Variants in CPSF3 observed in about 807,000 individuals in gnomAD.
The protein encoded by CPSF3 is cleavage and polyadenylation specificity factor subunit 3.
In CPSF3, 57 loss-of-function variants were observed where a neutral mutation model predicts 84.1. The observed-to-expected ratio is 0.68, with a 90% CI of 0.55 to 0.85. The LOEUF is 0.85. CPSF3 is among the 40% of genes least tolerant of loss of function. CPSF3 has a pLI of 0.00. For missense variants in CPSF3, 522 were observed against 838.8 expected (o/e 0.62, Z 4.66); for synonymous variants, 275 against 278.1 (o/e 0.99, Z 0.11).
At chr2:9,430,923 G>A (rs747172896) in intron 4 of CPSF3, 43 bp downstream of exon 4, 2 of 1,532,128 alleles carry the variant, frequency 1.3e-6, no homozygotes, top group South Asian at 1.1e-5. Flanking sequence ...GGCTCTATAT[G>A]GCATGTATGG....
At chr2:9,454,003 C>T (rs1245664699) in intron 12 of CPSF3, among the ~76,000 whole-genome samples, 1 of 152,198 alleles carries the variant, frequency 6.6e-6, no homozygotes. Context: ...TATAAATTTA[C>T]TGAGCCATCA....
At chr2:9,458,475 A>G (rs1017236586) in intron 14 of CPSF3, among the ~76,000 whole-genome samples, 7 of 152,194 alleles carry the variant, frequency 4.6e-5, no homozygotes, top group African/African-American at 1.4e-4. Flanking sequence ...AACAATATAT[A>G]AAATGTTAAT....
In CPSF3 at chr2:9,432,677, G is replaced by A. The variant is rs372969777; in HGVS notation, c.508G>A (p.Ala170Thr). 1.3e-6 allele frequency: 2 copies of A among 1,526,564 alleles called. No individual in the cohort carries two copies. Among genetic ancestry groups the A allele is most frequent in the East Asian group, 2.3e-5 (1 of 43,708 alleles). 94.6% of individuals were successfully genotyped at this position (1,526,564 alleles called of 1,614,324 possible). Residue 170 changes from alanine (A) to threonine (T), a missense_variant, in exon 5 of 18, where the codon GCA (alanine) becomes ACA (threonine). Around this residue, in one of 2 missense-constraint regions of CPSF3, gnomAD observed 329 missense variants for 607.2 expected, o/e 0.54. Coordinates refer to ENST00000238112, the MANE Select transcript of CPSF3 (RefSeq NM_016207.4). ...AGCCGCCATGTTCATGATTGAGATCGCAGGCGTGAAGGTACCCTCTGGCTG... is the reference window on the plus strand; with the variant it reads ...AGCCGCCATGTTCATGATTGAGATCACAGGCGTGAAGGTACCCTCTGGCTG... ...LGAAMFMIEI[A>T]GVKLLYTGDF...
chr2:9,467,852 C>A, intron 16 of CPSF3, 76 bp downstream of exon 16: 2 of 1,162,120 alleles, frequency 1.7e-6, no homozygotes, highest in South Asian at 2.5e-5. Flanking sequence ...GCTCTGACTC[C>A]TTCAAGGACT....
intron 14 of CPSF3, 126 bp downstream of exon 14, chr2:9,457,153 G>A (rs1681562283): frequency 1.1e-5 from 4 of 354,920 alleles, no homozygotes; most frequent in Admixed American, 4.6e-5. Context: ...GTATATGTGT[G>A]TGTGTGTGTG....
chr2:9,464,738 G>A lies in CPSF3; in HGVS notation c.1787-2969G>A, dbSNP rs936730500. ...CCCACAAGTAGCTGGGACTATAGAC[G>A]CACATCACCACGCCTGGCTAATTTT... On this transcript the variant is annotated intron_variant, in intron 15 of 17. Coordinates refer to ENST00000238112, the MANE Select transcript of CPSF3 (RefSeq NM_016207.4). Among the ~76,000 whole-genome samples the A allele has an allele frequency of 9.2e-5, 14 of 151,878 alleles. No homozygotes were observed. The East Asian group carries it at 9.7e-4, about 11-fold the overall frequency.
intron 10 of CPSF3, among the ~76,000 whole-genome samples, chr2:9,445,374 G>T (rs1681096140): frequency 6.6e-6 from 1 of 152,164 alleles, no homozygotes; most frequent in Non-Finnish European, 1.5e-5. Flanking sequence ...GGACACTCGG[G>T]TTGTGTCACT....
chr2:9,425,989 G>C (rs1214200552), intron 1 of CPSF3, among the ~76,000 whole-genome samples: 1 of 152,224 alleles, frequency 6.6e-6, no homozygotes, highest in Non-Finnish European at 1.5e-5. Flanking sequence ...TTTCATGTAA[G>C]TGTGATCATA....
At chr2:9,450,374 C>G (rs1049719334) in intron 11 of CPSF3, among the ~76,000 whole-genome samples, 3 of 149,200 alleles carry the variant, frequency 2.0e-5, no homozygotes, top group African/African-American at 2.5e-5. Flanking sequence ...AGGCTGGTCT[C>G]GAACTCCTGA....
intron 15 of CPSF3, among the ~76,000 whole-genome samples, chr2:9,465,642 T>G (rs573612055): frequency 6.6e-6 from 1 of 152,176 alleles, no homozygotes; most frequent in Non-Finnish European, 1.5e-5. Context: ...AACTGACTTC[T>G]TCCCATCCAA....
At chr2:9,457,833 A>G (rs1681584874) in intron 14 of CPSF3, among the ~76,000 whole-genome samples, 2 of 151,568 alleles carry the variant, frequency 1.3e-5, no homozygotes, top group Admixed American at 1.3e-4. Context: ...GCTCACTGCA[A>G]CCTCCACCTC....
intron 6 of CPSF3, among the ~76,000 whole-genome samples, chr2:9,435,925 G>T (rs1370566566): frequency 6.6e-6 from 1 of 151,788 alleles, no homozygotes; most frequent in Non-Finnish European, 1.5e-5. Flanking sequence ...TAGAGACAGG[G>T]TTTCACCATG....
chr2:9,466,392 GCACA>G (rs544766741), intron 15 of CPSF3, among the ~76,000 whole-genome samples: 4 of 143,516 alleles, frequency 2.8e-5, no homozygotes, highest in Non-Finnish European at 4.6e-5. Flanking sequence ...GCACACACGC[GCACA>G]CACACGCACG....
intron 1 of CPSF3, chr2:9,424,186 T>C: frequency 1.9e-6 from 2 of 1,031,948 alleles, no homozygotes; most frequent in Non-Finnish European, 2.3e-6. Flanking sequence ...CGGTGAAGCT[T>C]ATGACCGACA....
At chr2:9,466,274 GCACACACGTGCGCA>G (rs1681932383) in intron 15 of CPSF3, among the ~76,000 whole-genome samples, 1 of 52,742 alleles carries the variant, frequency 1.9e-5, no homozygotes, top group Non-Finnish European at 7.9e-5. Context: ...AAAGACGCAC[GCACACACGTGCGCA>G]CACAGACGCA....
intron 11 of CPSF3, among the ~76,000 whole-genome samples, chr2:9,451,598 T>C (rs1413294470): frequency 1.3e-5 from 2 of 151,672 alleles, no homozygotes; most frequent in African/African-American, 4.8e-5. Flanking sequence ...ACTCCATCTC[T>C]ACAAAAAATA....
intron 11 of CPSF3, 55 bp downstream of exon 11, chr2:9,448,405 T>C (rs948104020): frequency 1.4e-4 from 191 of 1,377,214 alleles, no homozygotes; most frequent in Non-Finnish European, 1.8e-4. Flanking sequence ...CAGGAAAGAC[T>C]GTACTTCTTA....
At chr2:9,430,073 A>G in intron 3 of CPSF3, 53 bp downstream of exon 3, 1 of 1,057,318 alleles carries the variant, frequency 9.5e-7, no homozygotes, top group East Asian at 2.7e-5. Flanking sequence ...TACTATCAAG[A>G]TCATTCTTTA....
intron 15 of CPSF3, among the ~76,000 whole-genome samples, chr2:9,461,987 C>G (rs6713649): frequency 6.6e-6 from 1 of 152,058 alleles, no homozygotes; most frequent in African/African-American, 2.4e-5. Context: ...GTCTCAAACT[C>G]CTGACCTCGT....
Sources: allele counts gnomAD v4.1 joint callset (sites outside exome capture counted in the v4.1 genomes callset), GRCh38; gene constraint gnomAD v4.1.1; regional missense constraint gnomAD v4.1.1; transcripts MANE v1.5; gene names NCBI Gene and HGNC (gene_info 2026-07-23, HGNC 2026-07-21).